Variants in IMMP2L observed in about 807,000 individuals in gnomAD.
IMMP2L encodes inner mitochondrial membrane peptidase subunit 2, also known as mitochondrial inner membrane protease subunit 2.
A neutral mutation model predicts 19.3 loss-of-function variants in IMMP2L; 18 were observed. The ratio of observed to expected loss-of-function variants is 0.93; its 90% CI spans 0.64 to 1.38. The LOEUF is 1.38. Among genes scored for constraint, IMMP2L ranks in the 40% most tolerant of loss-of-function variants. IMMP2L has a pLI of 0.00. For missense variants in IMMP2L, 233 were observed against 218.2 expected, an observed-to-expected ratio of 1.07 and a Z score of -0.43; for synonymous variants, 76 against 73.0, an observed-to-expected ratio of 1.04 and a Z score of -0.21.
intron 3 of IMMP2L, among the ~76,000 whole-genome samples, chr7:111,052,528 A>G (rs1359545222): frequency 4.6e-5 from 7 of 152,162 alleles, no homozygotes; most frequent in Non-Finnish European, 1.0e-4. Flanking sequence ...AATGTTCTAG[A>G]TGTGCTGCTT....
At chr7:111,240,241 C>T (rs1814842308) in intron 3 of IMMP2L, among the ~76,000 whole-genome samples, 1 of 151,956 alleles carries the variant, frequency 6.6e-6, no homozygotes, top group Non-Finnish European at 1.5e-5. Flanking sequence ...TGCTTGCCAG[C>T]TGCACTTAAA....
chr7:111,401,366 A>C lies in IMMP2L; in HGVS notation c.239+85872T>G, dbSNP rs980055953. On this transcript the variant is annotated intron_variant, in intron 3 of 5. Transcript: ENST00000405709. ...TTCTGCCTCCAAGGAGTGTATTCTG[A>C]TTAAGACAGACCTGTGCTTAACTAA... is the stretch of plus-strand genomic sequence containing the variant. 5.9e-5 allele frequency among the ~76,000 whole-genome samples: 9 copies of C among 152,254 alleles called. No homozygotes were observed. The East Asian group carries it at 1.7e-3, about 29-fold the overall frequency.
intron 3 of IMMP2L, among the ~76,000 whole-genome samples, chr7:111,466,431 G>A (rs1185733075): frequency 1.3e-5 from 2 of 152,048 alleles, no homozygotes; most frequent in East Asian, 1.9e-4. Flanking sequence ...ATTGATCTTT[G>A]CAAATTATAA....
intron 5 of IMMP2L, among the ~76,000 whole-genome samples, chr7:110,885,192 G>C (rs1012823686): frequency 6.7e-6 from 1 of 150,190 alleles, no homozygotes; most frequent in African/African-American, 2.5e-5. Context: ...TTTTTATTTC[G>C]GAGTATTTGC....
At chr7:110,955,218 G>A (rs1818246929) in intron 4 of IMMP2L, among the ~76,000 whole-genome samples, 1 of 151,634 alleles carries the variant, frequency 6.6e-6, no homozygotes, top group African/African-American at 2.4e-5. Flanking sequence ...CACTGATACA[G>A]CAATAGTATG....
intron 3 of IMMP2L, among the ~76,000 whole-genome samples, chr7:111,356,284 A>T (rs1252602790): frequency 6.6e-6 from 1 of 151,488 alleles, no homozygotes. Context: ...GAAAATATTC[A>T]AAAAAAAATT....
chr7:111,332,124 G>A (rs767008625), intron 3 of IMMP2L, among the ~76,000 whole-genome samples: 7 of 151,530 alleles, frequency 4.6e-5, no homozygotes, highest in Non-Finnish European at 7.4e-5. Context: ...AATAACAGCC[G>A]AATAACCAGA....
At chr7:111,184,663 A>G (rs1808070421) in intron 3 of IMMP2L, among the ~76,000 whole-genome samples, 1 of 152,080 alleles carries the variant, frequency 6.6e-6, no homozygotes, top group African/African-American at 2.4e-5. Flanking sequence ...TATAAATGTC[A>G]CAAGTGCAAC....
At chr7:110,921,212 C>T (rs961863675) in intron 4 of IMMP2L, among the ~76,000 whole-genome samples, 4 of 152,158 alleles carry the variant, frequency 2.6e-5, no homozygotes, top group African/African-American at 4.8e-5. Flanking sequence ...AGTAGCTACA[C>T]AAAAATACAT....
At chr7:110,733,754 A>C (rs1796433239) in intron 5 of IMMP2L, among the ~76,000 whole-genome samples, 1 of 152,138 alleles carries the variant, frequency 6.6e-6, no homozygotes, top group East Asian at 1.9e-4. Flanking sequence ...TAGTGTACTT[A>C]GAAATGGGCC....
At chr7:111,356,368 T>C (rs1828700431) in intron 3 of IMMP2L, among the ~76,000 whole-genome samples, 1 of 152,154 alleles carries the variant, frequency 6.6e-6, no homozygotes, top group African/African-American at 2.4e-5. Context: ...TAACTATTTA[T>C]ATAGTATTTA....
At chr7:111,470,011 C>T (rs1023938383) in intron 3 of IMMP2L, among the ~76,000 whole-genome samples, 1 of 152,048 alleles carries the variant, frequency 6.6e-6, no homozygotes, top group African/African-American at 2.4e-5. Flanking sequence ...CTACAATGAA[C>T]TCAAACAAAT....
chr7:110,738,400 A>G (rs2130854975), intron 5 of IMMP2L, among the ~76,000 whole-genome samples: 1 of 152,356 alleles, frequency 6.6e-6, no homozygotes, highest in East Asian at 1.9e-4. Flanking sequence ...GGGCACACTT[A>G]GAGAAATGCA....
chr7:110,754,287 A>T (rs188496630), intron 5 of IMMP2L, among the ~76,000 whole-genome samples: 2 of 152,208 alleles, frequency 1.3e-5, no homozygotes, highest in Admixed American at 1.3e-4. Context: ...ATCAGTGAAT[A>T]TGGATGCTAC....
At chr7:110,929,791 G>C (rs1585308240) in intron 4 of IMMP2L, among the ~76,000 whole-genome samples, 2 of 152,136 alleles carry the variant, frequency 1.3e-5, no homozygotes, top group African/African-American at 4.8e-5. Context: ...TAACAAATCA[G>C]GAATGAGTCA....
chr7:110,932,626 T>C (rs1815630554), intron 4 of IMMP2L, among the ~76,000 whole-genome samples: 2 of 152,218 alleles, frequency 1.3e-5, no homozygotes, highest in South Asian at 2.1e-4. Context: ...AGTGCTGGGA[T>C]TATAGGCGTG....
At chr7:110,807,434 C>T (rs1392390273) in intron 5 of IMMP2L, among the ~76,000 whole-genome samples, 2 of 151,906 alleles carry the variant, frequency 1.3e-5, no homozygotes, top group Non-Finnish European at 1.5e-5. Flanking sequence ...CCAACCTGAA[C>T]AAAACAAGTG....
chr7:111,096,576 T>C (rs2107146), intron 3 of IMMP2L, among the ~76,000 whole-genome samples: 112,686 of 151,224 alleles, frequency 0.75, 44,580 homozygotes, highest in East Asian at 0.88. Context: ...TGTATGTTGT[T>C]CTACCTACTC....
At chr7:111,367,817 T>A (rs929972794) in intron 3 of IMMP2L, among the ~76,000 whole-genome samples, 2 of 151,878 alleles carry the variant, frequency 1.3e-5, no homozygotes, top group African/African-American at 2.4e-5. Flanking sequence ...TCTCAAATAG[T>A]TCTTACATTG....
Sources: gnomAD v4.1 joint callset for allele counts (sites outside exome capture counted in the v4.1 genomes callset) on GRCh38, gnomAD v4.1.1 for gene constraint, MANE v1.5 for transcripts, NCBI Gene and HGNC (gene_info 2026-07-23, HGNC 2026-07-21) for gene names.